The following SYN3 variants were observed in gnomAD, a reference collection of about 807,000 sequenced individuals.
The protein encoded by SYN3 is synapsin III, also known as synapsin-3.
In SYN3, 35 loss-of-function variants were observed where a neutral mutation model predicts 65.8. The observed-to-expected ratio is 0.53, with a 90% CI of 0.41 to 0.70. The LOEUF (loss-of-function observed/expected upper bound fraction) is 0.70, where lower values mean the gene tolerates loss of function less well. Among genes scored for constraint, SYN3 ranks in the 30% least tolerant of loss-of-function variants. SYN3 has a pLI of 0.00. For synonymous variants in SYN3, 270 were observed against 292.9 expected, an observed-to-expected ratio of 0.92 and a Z score of 0.80; for missense variants, 680 against 749.0, an observed-to-expected ratio of 0.91 and a Z score of 1.08.
chr22:32,879,120 T>C (rs1569298041), intron 4 of SYN3, among the ~76,000 whole-genome samples: 1 of 152,060 alleles, frequency 6.6e-6, no homozygotes. Context: ...AACAGTAAAG[T>C]GTTCTGCAAT....
intron 6 of SYN3, among the ~76,000 whole-genome samples, chr22:32,758,681 C>CATATATATATATATAT (rs71187211): frequency 0.024 from 798 of 33,004 alleles, 185 homozygotes; most frequent in East Asian, 0.088. Flanking sequence ...TTACTAAACT[C>CATATATATATATATAT]ATATATATAT....
At chr22:32,761,081 C>A (rs112724875) in intron 6 of SYN3, among the ~76,000 whole-genome samples, 1 of 152,170 alleles carries the variant, frequency 6.6e-6, no homozygotes, top group African/African-American at 2.4e-5. Context: ...CTGCTGCCAG[C>A]CTCTGAGGGC....
At chr22:32,536,085 A>T (rs983953560) in intron 9 of SYN3, among the ~76,000 whole-genome samples, 4 of 152,228 alleles carry the variant, frequency 2.6e-5, no homozygotes, top group Admixed American at 2.6e-4. Flanking sequence ...GACTTGGCAG[A>T]GCCAGGGATA....
At chr22:32,999,783 C>T (rs1020439901) in intron 2 of SYN3, among the ~76,000 whole-genome samples, 2 of 152,118 alleles carry the variant, frequency 1.3e-5, no homozygotes, top group African/African-American at 2.4e-5. Context: ...ATGCTTATGA[C>T]TTTGAGGGCA....
chr22:32,694,916 A>AC (rs1363576936), intron 6 of SYN3, among the ~76,000 whole-genome samples: 2 of 152,158 alleles, frequency 1.3e-5, no homozygotes, highest in Non-Finnish European at 2.9e-5. Flanking sequence ...TTAAATTTGA[A>AC]ATGTGTTTGT....
intron 1 of SYN3, among the ~76,000 whole-genome samples, chr22:33,022,013 G>A (rs2053569009): frequency 6.6e-6 from 1 of 152,158 alleles, no homozygotes; most frequent in African/African-American, 2.4e-5. Flanking sequence ...GATTAAATCT[G>A]TGATTATACA....
intron 4 of SYN3, among the ~76,000 whole-genome samples, chr22:32,917,469 G>T (rs893577407): frequency 6.6e-6 from 1 of 152,186 alleles, no homozygotes; most frequent in Admixed American, 6.5e-5. Context: ...AAAGGTGATT[G>T]CTTCTGAATG....
chr22:32,585,948 A>G (rs201430827), intron 7 of SYN3, among the ~76,000 whole-genome samples: 1 of 95,386 alleles, frequency 1.0e-5, no homozygotes, highest in African/African-American at 3.5e-5. Flanking sequence ...GTGTATGTAT[A>G]CATATATGTG....
chr22:32,813,486 TACACACACACACACACACACACACAC>T (rs130277), intron 6 of SYN3, among the ~76,000 whole-genome samples: 2 of 138,184 alleles, frequency 1.4e-5, no homozygotes, highest in African/African-American at 5.6e-5. Flanking sequence ...TCTGAAAAGA[TACACACACACACACACACACACACAC>T]ACACACACAC....
chr22:32,853,624 A>G lies in SYN3; in HGVS notation c.711+11291T>C, dbSNP rs73158354. Among the ~76,000 whole-genome samples, 783 of 152,370 alleles carry G rather than the reference A, an allele frequency of 5.1e-3. 5 individuals are homozygous for G. The highest frequency in any genetic ancestry group is 0.017 in the Middle Eastern group (5 of 294). ...GGCATGCAGAACCCAGCTGAAAAAG[A>G]ACAACCCACTTATGTCTGAAGTTCT... On this transcript the variant is annotated intron_variant, in intron 6 of 13. Coordinates refer to ENST00000358763, the MANE Select transcript of SYN3 (RefSeq NM_003490.4).
At chr22:32,979,054 G>A (rs188911339) in intron 3 of SYN3, among the ~76,000 whole-genome samples, 61 of 151,678 alleles carry the variant, frequency 4.0e-4, no homozygotes, top group Non-Finnish European at 6.8e-4. Context: ...AAAATTAGCC[G>A]GGCATGGTGG....
intron 6 of SYN3, among the ~76,000 whole-genome samples, chr22:32,769,173 T>A (rs1222460154): frequency 6.6e-6 from 1 of 152,200 alleles, no homozygotes; most frequent in Non-Finnish European, 1.5e-5. Flanking sequence ...CTTGACCCTA[T>A]ATTCACCATC....
At chr22:33,005,747 A>G (rs543313471) in intron 2 of SYN3, among the ~76,000 whole-genome samples, 18 of 152,332 alleles carry the variant, frequency 1.2e-4, no homozygotes, top group African/African-American at 4.1e-4. Flanking sequence ...CTCTGATCCC[A>G]AGGTTTGGGA....
intron 1 of SYN3, among the ~76,000 whole-genome samples, chr22:33,050,070 C>A (rs904936329): frequency 6.6e-6 from 1 of 152,018 alleles, no homozygotes; most frequent in Non-Finnish European, 1.5e-5. Context: ...TATAAAAATA[C>A]AACTCCAAAC....
At chr22:32,995,321 G>C (rs2052846816) in intron 2 of SYN3, among the ~76,000 whole-genome samples, 1 of 152,172 alleles carries the variant, frequency 6.6e-6, no homozygotes, top group Non-Finnish European at 1.5e-5. Context: ...ATAAAATCCA[G>C]GACATCCAAA....
intron 6 of SYN3, among the ~76,000 whole-genome samples, chr22:32,741,159 A>G (rs2061399852): frequency 6.6e-6 from 1 of 152,130 alleles, no homozygotes; most frequent in South Asian, 2.1e-4. Context: ...ATAGGCTGGT[A>G]CTTACAGACA....
At chr22:32,759,137 G>A (rs2045380858) in intron 6 of SYN3, among the ~76,000 whole-genome samples, 1 of 152,156 alleles carries the variant, frequency 6.6e-6, no homozygotes, top group Admixed American at 6.5e-5. Flanking sequence ...AGAAGCAAGA[G>A]GAGGTGGAAG....
At chr22:32,608,963 C>CT (rs961324531) in intron 6 of SYN3, among the ~76,000 whole-genome samples, 27 of 151,878 alleles carry the variant, frequency 1.8e-4, no homozygotes, top group Admixed American at 7.2e-4. Context: ...TTTTCTTCTT[C>CT]TTTTTTTTAA....
chr22:32,606,352 C>T (rs1344188613), intron 6 of SYN3, among the ~76,000 whole-genome samples: 1 of 152,190 alleles, frequency 6.6e-6, no homozygotes, highest in Non-Finnish European at 1.5e-5. Flanking sequence ...CACAGGAGCA[C>T]TCCCACGGCT....
Sources: allele counts gnomAD v4.1 joint callset (sites outside exome capture counted in the v4.1 genomes callset), GRCh38; gene constraint gnomAD v4.1.1; transcripts MANE v1.5; gene names NCBI Gene and HGNC (gene_info 2026-07-23, HGNC 2026-07-21).